TAP2: variants seen among roughly 807,000 people sequenced by gnomAD.
TAP2 encodes the protein transporter 2, ATP binding cassette subfamily B member, also known as antigen peptide transporter 2.
Under a neutral mutation model 74.7 loss-of-function variants are expected in TAP2, and 49 were observed. The observed-to-expected ratio is 0.66, with a 90% CI of 0.52 to 0.83. The LOEUF (loss-of-function observed/expected upper bound fraction) is 0.83. TAP2 is among the 40% of genes least tolerant of loss of function. The pLI is 0.00. For synonymous variants in TAP2, 306 were observed against 368.4 expected, an observed-to-expected ratio of 0.83 and a Z score of 1.94; for missense variants, 739 against 859.0, an observed-to-expected ratio of 0.86 and a Z score of 1.75.
chr6:32,825,936 G>C lies in TAP2; in HGVS notation c.*2970C>G. ...AAATAAGGTAAGAAGACAGGTTTCA[G>C]ATACTTGGCACAGCAATAGCACATA... On this transcript the variant is annotated 3_prime_UTR_variant, in exon 12 of 12. Coordinates refer to ENST00000374897, the MANE Select transcript of TAP2 (RefSeq NM_001290043.2). 1 of 946,914 alleles carries C rather than the reference G, an allele frequency of 1.1e-6. No individual in the cohort carries two copies. The highest frequency in any genetic ancestry group is 4.9e-5 in the South Asian group (1 of 20,544). The allele number at this position is 946,914 out of a possible 1,614,324, so 58.7% of individuals were successfully genotyped here. A position where few individuals can be genotyped will look rare whatever the true frequency, so the allele number is the denominator to read the frequency against.
At chr6:32,823,078 C>T (rs1768405346), downstream of TAP2, among the ~76,000 whole-genome samples, 1 of 152,046 alleles carries the variant, frequency 6.6e-6, no homozygotes, top group Non-Finnish European at 1.5e-5. Flanking sequence ...CACCACCACA[C>T]CCAGCTAATT....
In TAP2 at chr6:32,832,434, T is replaced by A. The variant is rs140330266; in HGVS notation, c.1171A>T (p.Met391Leu). Residue 391 changes from methionine (M) to leucine (L), a missense_variant, in exon 7 of 12, where the codon ATG becomes TTG. Physicochemically the swap from Met to Leu is conservative, Grantham distance 15 (BLOSUM62 2). Coordinates refer to ENST00000374897, the MANE Select transcript of TAP2 (RefSeq NM_001290043.2). The surrounding 1 kb of genome is among the most constrained non-coding windows in gnomAD (Gnocchi z 5.9). ...RVLHLGVQML[M>L]LSCGLQQMQD... is the part of the protein sequence containing the mutation. The stretch of plus-strand genomic sequence containing the variant: ...ATCTGCTGCAGCCCACAGCTCAGCA[T>A]CAGCATCTGCACCCCCAAGTGCAGC... 2.5e-6 allele frequency: 4 copies of A among 1,612,802 alleles called. No homozygotes were observed. The African/African-American group carries it at 4.0e-5, about 16-fold the overall frequency.
Position 32,835,552 on chromosome 6 carries a change from G to C in TAP2, c.739+91C>G. The stretch of plus-strand genomic sequence containing the variant: ...AAAGCATCCCCAAGTCCTGGCATAC[G>C]GGTGAAGGCAGGAGGAGAGGCTGTG... On this transcript the variant is annotated intron_variant, in intron 4 of 11. Coordinates refer to ENST00000374897, the MANE Select transcript of TAP2 (RefSeq NM_001290043.2). This position sits in a 1 kb window ranked among gnomAD's most constrained non-coding sequence, Gnocchi z 4.0. 1 of 1,575,298 alleles carries C rather than the reference G, an allele frequency of 6.3e-7. No individual in the cohort carries two copies. The highest frequency in any genetic ancestry group is 8.7e-7 in the Non-Finnish European group (1 of 1,148,556).
intron 1 of TAP2, 32 bp from the exon 2 acceptor site, chr6:32,838,269 G>C: frequency 6.5e-7 from 1 of 1,528,486 alleles, no homozygotes; most frequent in Non-Finnish European, 8.7e-7. Flanking sequence ...GAAATCATGG[G>C]GGTGGAGTCC....
rs1373890654 is a variant in TAP2, at chr6:32,827,074, C to T, written c.*1832G>A. Reference sequence around the variant, plus strand: ...AAATCTGCACAAGAAACTGCCCACTCTCACCCCATCCTCACTGCACCCTGC... The same window carrying T: ...AAATCTGCACAAGAAACTGCCCACTTTCACCCCATCCTCACTGCACCCTGC... On this transcript the variant is annotated 3_prime_UTR_variant, in exon 12 of 12. Coordinates refer to ENST00000374897, the MANE Select transcript of TAP2 (RefSeq NM_001290043.2). 1 of 985,606 alleles carries T rather than the reference C, an allele frequency of 1.0e-6. No homozygotes were observed. Among genetic ancestry groups the T allele is most frequent in the Non-Finnish European group, 1.2e-6 (1 of 829,960 alleles). The allele number at this position is 985,606 out of a possible 1,614,324, so 61.1% of individuals were successfully genotyped here.
At chr6:32,838,325 G>C in intron 1 of TAP2, 88 bp from the exon 2 acceptor site, 1 of 1,456,780 alleles carries the variant, frequency 6.9e-7, no homozygotes, top group South Asian at 1.5e-5. Flanking sequence ...CGCCTAACCC[G>C]TCCATCGGCT....
Position 32,827,343 on chromosome 6 carries a change from T to G in TAP2, c.*1563A>C, listed in dbSNP as rs182894996. The G allele has an allele frequency of 2.3e-3, 2,311 of 984,790 alleles. 22 individuals are homozygous for G. In the African/African-American group the frequency reaches 0.032, roughly 14 times the overall value. 61.0% of individuals were successfully genotyped at this position (984,790 alleles called of 1,614,324 possible). On this transcript the variant is annotated 3_prime_UTR_variant, in exon 12 of 12. Transcript: ENST00000374897. ...GGAGATATTTATTCATTTATTCAATTGACTATTTATTCTCCACTATGAATT... is the reference window on the plus strand; with the variant it reads ...GGAGATATTTATTCATTTATTCAATGGACTATTTATTCTCCACTATGAATT...
chr6:32,834,914 C>T (rs1769311969), intron 5 of TAP2, among the ~76,000 whole-genome samples: 1 of 151,844 alleles, frequency 6.6e-6, no homozygotes, highest in South Asian at 2.1e-4. Flanking sequence ...CTCCCCCATA[C>T]CTTCACATAC....
chr6:32,832,927 C>T lies in TAP2; in HGVS notation c.946-103G>A. 7.8e-7 allele frequency: 1 copy of T among 1,288,146 alleles called. No individual in the cohort carries two copies. Among genetic ancestry groups the T allele is most frequent in the Non-Finnish European group, 1.1e-6 (1 of 909,232 alleles). The allele number at this position is 1,288,146 out of a possible 1,614,324, so 79.8% of individuals were successfully genotyped here. A position where few individuals can be genotyped will look rare whatever the true frequency, so the allele number is the denominator to read the frequency against. On this transcript the variant is annotated intron_variant, in intron 5 of 11. Coordinates refer to ENST00000374897, the MANE Select transcript of TAP2 (RefSeq NM_001290043.2). This position sits in a 1 kb window ranked among gnomAD's most constrained non-coding sequence, Gnocchi z 5.9. Reference sequence around the variant, plus strand: ...ATGCTCCCTAGTCTACCTAAAAATACCAAACTGTTTCTCTCCCTCTTCCTT... The same window carrying T: ...ATGCTCCCTAGTCTACCTAAAAATATCAAACTGTTTCTCTCCCTCTTCCTT...
rs369518209 is a variant in TAP2, at chr6:32,832,606, A to G, written c.1143+21T>C. 1.5e-4 allele frequency: 240 copies of G among 1,612,734 alleles called. No individual in the cohort carries two copies. Among genetic ancestry groups the G allele is most frequent in the Middle Eastern group, 4.9e-4 (3 of 6,084 alleles). On this transcript the variant is annotated intron_variant, in intron 6 of 11. Transcript: ENST00000374897. This position sits in a 1 kb window ranked among gnomAD's most constrained non-coding sequence, Gnocchi z 5.9. ...CCTCCCCCTTTCCTGGGCTCCTTTC[A>G]CAACCACTCTGGTATCTTACCCTCC...
chr6:32,829,494 T>G lies in TAP2; in HGVS notation c.1838A>C (p.Gln613Pro). The change falls in exon 11 of 12, where the codon CAA (glutamine) becomes CCA (proline). Residue 613 changes from glutamine (Q) to proline (P), a missense_variant. Coordinates refer to ENST00000374897, the MANE Select transcript of TAP2 (RefSeq NM_001290043.2). ...KGSQLAAGQK[Q>P]RLAIARALVR... ...AAGGGCCCGGGCAATGGCCAGACGTTGTTTCTGTCCCGCAGCCAGCTGGCT... is the reference window on the plus strand; with the variant it reads ...AAGGGCCCGGGCAATGGCCAGACGTGGTTTCTGTCCCGCAGCCAGCTGGCT... 6.2e-7 allele frequency: 1 copy of G among 1,614,176 alleles called. No homozygotes were observed. Among genetic ancestry groups the G allele is most frequent in the Non-Finnish European group, 8.5e-7 (1 of 1,180,014 alleles).
At chr6:32,824,364 G>A (rs1315029975), downstream of TAP2, among the ~76,000 whole-genome samples, 2 of 152,032 alleles carry the variant, frequency 1.3e-5, no homozygotes, top group Non-Finnish European at 2.9e-5. Flanking sequence ...TCTTCTGTTA[G>A]TGTTTGCTTT....
In TAP2 at chr6:32,827,840, G is replaced by C; in HGVS notation, c.*1066C>G. ...ACAGAATTTAGAAAAATGACTTTGT[G>C]AAGAATGGCCGGAAGAGGGAAGCTA... is the stretch of plus-strand genomic sequence containing the variant. On this transcript the variant is annotated 3_prime_UTR_variant, in exon 12 of 12. Coordinates refer to ENST00000374897, the MANE Select transcript of TAP2 (RefSeq NM_001290043.2). 1 of 930,132 alleles carries C rather than the reference G, an allele frequency of 1.1e-6. No individual in the cohort carries two copies. 57.6% of individuals were successfully genotyped at this position (930,132 alleles called of 1,614,324 possible). A position where few individuals can be genotyped will look rare whatever the true frequency, so the allele number is the denominator to read the frequency against.
chr6:32,824,607 C>T (rs1768517338), downstream of TAP2, among the ~76,000 whole-genome samples: 1 of 151,964 alleles, frequency 6.6e-6, no homozygotes, highest in Non-Finnish European at 1.5e-5. Context: ...CTTTTGTTTT[C>T]CTTGCATCAC....
In TAP2 at chr6:32,828,675, G is replaced by GCCCGC; in HGVS notation, c.*230_*231insGCGGG. 54 of 884,178 alleles carry GCCCGC rather than the reference G, an allele frequency of 6.1e-5. No individual in the cohort carries two copies. Among genetic ancestry groups the GCCCGC allele is most frequent in the Middle Eastern group, 1.1e-3 (2 of 1,742 alleles). 54.8% of individuals were successfully genotyped at this position (884,178 alleles called of 1,614,324 possible). ...GAATTAAGTTTCCTGGACACAGACA[G>GCCCGC]CCCCCACCCCACCCCACCCCACCTC... On this transcript the variant is annotated 3_prime_UTR_variant, in exon 12 of 12. Coordinates refer to ENST00000374897, the MANE Select transcript of TAP2 (RefSeq NM_001290043.2).
In TAP2 at chr6:32,828,277, G is replaced by A. The variant is rs1354887838; in HGVS notation, c.*629C>T. On this transcript the variant is annotated 3_prime_UTR_variant, in exon 12 of 12. Transcript: ENST00000374897. ...TCTATAAATGGTAGCTGTTACCAAT[G>A]TCGCTATTAATACTGTTAATCAGGG... 1.0e-6 allele frequency: 1 copy of A among 985,028 alleles called. No homozygotes were observed. The highest frequency in any genetic ancestry group is 1.2e-6 in the Non-Finnish European group (1 of 829,694). The allele number at this position is 985,028 out of a possible 1,614,324, so 61.0% of individuals were successfully genotyped here.
At position 32,828,002 on chromosome 6, in the gene TAP2, T is replaced by C. The variant is rs1768767093; in HGVS notation, c.*904A>G. 2.0e-6 allele frequency: 2 copies of C among 985,146 alleles called. No individual in the cohort carries two copies. Among genetic ancestry groups the C allele is most frequent in the Non-Finnish European group, 2.4e-6 (2 of 829,812 alleles). 61.0% of individuals were successfully genotyped at this position (985,146 alleles called of 1,614,324 possible). A position where few individuals can be genotyped will look rare whatever the true frequency, so the allele number is the denominator to read the frequency against. On this transcript the variant is annotated 3_prime_UTR_variant, in exon 12 of 12. Transcript: ENST00000374897. ...AGCAGAGCTTTTCTTGATGGGATTA[T>C]GGATTAGGGTTTATGGACCCAAGAT...
Position 32,830,342 on chromosome 6 carries a change from G to C in TAP2, c.1560C>G (p.Tyr520Ter). 1 of 1,613,074 alleles carries C rather than the reference G, an allele frequency of 6.2e-7. No homozygotes were observed. Among genetic ancestry groups the C allele is most frequent in the Non-Finnish European group, 8.5e-7 (1 of 1,180,032 alleles). ...STVAALLQNLYQPTGGQVLLD... is the reference protein window; with the variant it reads ...STVAALLQNL ...GCAGCACCTGTCCCCCTGTGGGCTG[G>C]TACAGATTCTGCAGCAGGGCAGCCA... is the stretch of plus-strand genomic sequence containing the variant. Residue 520 changes from tyrosine (Y) to a stop codon, truncating the protein, a stop_gained, in exon 9 of 12, where the codon TAC becomes TAG. Transcript: ENST00000374897. LOFTEE classifies it high-confidence loss of function.
Position 32,828,677 on chromosome 6 carries a change from C to CCCG in TAP2, c.*228_*229insCGG. 6 of 971,800 alleles carry CCCG rather than the reference C, an allele frequency of 6.2e-6. No individual in the cohort carries two copies. Among genetic ancestry groups the CCCG allele is most frequent in the Non-Finnish European group, 7.4e-6 (6 of 806,868 alleles). The allele number at this position is 971,800 out of a possible 1,614,324, so 60.2% of individuals were successfully genotyped here. Reference sequence around the variant, plus strand: ...ATTAAGTTTCCTGGACACAGACAGCCCCCACCCCACCCCACCCCACCTCTC... The same window carrying CCCG: ...ATTAAGTTTCCTGGACACAGACAGCCCCGCCCACCCCACCCCACCCCACCTCTC... On this transcript the variant is annotated 3_prime_UTR_variant, in exon 12 of 12. Coordinates refer to ENST00000374897, the MANE Select transcript of TAP2 (RefSeq NM_001290043.2).
Sources: allele counts gnomAD v4.1 joint callset (sites outside exome capture counted in the v4.1 genomes callset), GRCh38; gene constraint gnomAD v4.1.1; non-coding constraint Gnocchi (gnomAD v3.1); transcripts MANE v1.5; gene names NCBI Gene and HGNC (gene_info 2026-07-23, HGNC 2026-07-21).